The following PTPRD variants were observed in gnomAD, a reference collection of about 807,000 sequenced individuals.
The protein encoded by PTPRD is receptor-type tyrosine-protein phosphatase delta.
In PTPRD, 34 loss-of-function variants were observed where a neutral mutation model predicts 214.5. The observed-to-expected ratio is 0.16, with a 90% CI of 0.12 to 0.21. The LOEUF is 0.21. PTPRD is among the 10% of genes least tolerant of loss of function. The pLI is 1.00. For missense variants in PTPRD, 2,545 were observed against 2,398.7 expected, an observed-to-expected ratio of 1.06 and a Z score of -1.27; for synonymous variants, 1,128 against 845.7, an observed-to-expected ratio of 1.33 and a Z score of -5.79.
intron 12 of PTPRD, among the ~76,000 whole-genome samples, chr9:8,640,553 C>G (rs12344811): frequency 2.6e-5 from 2 of 77,892 alleles, no homozygotes; most frequent in East Asian, 6.9e-4. Context: ...TCTTAAAAAA[C>G]AAAAAAACAA....
chr9:9,490,177 G>A (rs1053512318), intron 8 of PTPRD, among the ~76,000 whole-genome samples: 1 of 151,988 alleles, frequency 6.6e-6, no homozygotes, highest in Non-Finnish European at 1.5e-5. Flanking sequence ...TCAAAACTCA[G>A]GAAGAAATTA....
At chr9:8,707,978 G>A (rs547445392) in intron 12 of PTPRD, among the ~76,000 whole-genome samples, 77 of 152,214 alleles carry the variant, frequency 5.1e-4, no homozygotes, top group African/African-American at 1.9e-3. Context: ...CTTCAAACTT[G>A]CCCATGGATA....
chr9:9,217,863 CTT>C (rs1429435436), intron 9 of PTPRD, among the ~76,000 whole-genome samples: 2 of 152,076 alleles, frequency 1.3e-5, no homozygotes, highest in Non-Finnish European at 2.9e-5. Context: ...AAGCGGCTTC[CTT>C]TTTGAAGCCT....
chr9:8,717,013 A>G (rs2098443937), intron 12 of PTPRD, among the ~76,000 whole-genome samples: 1 of 152,156 alleles, frequency 6.6e-6, no homozygotes, highest in Non-Finnish European at 1.5e-5. Context: ...AAAATAATAC[A>G]AAAAATTAAC....
chr9:9,893,790 C>T (rs1343334460), intron 5 of PTPRD, among the ~76,000 whole-genome samples: 3 of 151,884 alleles, frequency 2.0e-5, no homozygotes, highest in African/African-American at 7.3e-5. Context: ...CTCTAGCTAC[C>T]ACCTTGTCTT....
At chr9:8,549,907 G>T (rs146220025) in intron 14 of PTPRD, among the ~76,000 whole-genome samples, 2 of 152,076 alleles carry the variant, frequency 1.3e-5, no homozygotes, top group African/African-American at 4.8e-5. Context: ...TTCATTTAGC[G>T]TATCTATATT....
chr9:9,970,108 G>T (rs2094984642), intron 4 of PTPRD, among the ~76,000 whole-genome samples: 7 of 152,084 alleles, frequency 4.6e-5, no homozygotes, highest in Admixed American at 4.6e-4. Context: ...AGGATTATAG[G>T]TTTTATTATT....
At position 9,330,494 on chromosome 9, in the gene PTPRD, A is replaced by G. The variant is rs528206732; in HGVS notation, c.-203+66955T>C. 3.3e-5 allele frequency among the ~76,000 whole-genome samples: 5 copies of G among 152,258 alleles called. No homozygotes were observed. In the East Asian group the frequency reaches 7.7e-4, roughly 24 times the overall value. On this transcript the variant is annotated intron_variant, in intron 9 of 45. Transcript: ENST00000381196. ...TCGAGCAATTTTAATGTATGGCCACATTAAGAAAAAAACTTGTATTTAATG... is the reference window on the plus strand; with the variant it reads ...TCGAGCAATTTTAATGTATGGCCACGTTAAGAAAAAAACTTGTATTTAATG...
intron 3 of PTPRD, among the ~76,000 whole-genome samples, chr9:10,149,325 G>A (rs1392996367): frequency 6.6e-6 from 1 of 152,114 alleles, no homozygotes; most frequent in Non-Finnish European, 1.5e-5. Flanking sequence ...GGGAGAATCT[G>A]GGCCAGATCT....
chr9:8,964,564 C>A (rs1434917845), intron 11 of PTPRD, among the ~76,000 whole-genome samples: 2 of 151,798 alleles, frequency 1.3e-5, no homozygotes, highest in Middle Eastern at 3.2e-3. Flanking sequence ...TTCAGTTTAG[C>A]TCAATTTTAG....
At chr9:8,522,779 A>C (rs1444107813) in intron 19 of PTPRD, among the ~76,000 whole-genome samples, 1 of 152,198 alleles carries the variant, frequency 6.6e-6, no homozygotes, top group African/African-American at 2.4e-5. Context: ...ATGTCATACC[A>C]TAAGAATTTG....
At chr9:9,018,104 C>T (rs564340021) in intron 11 of PTPRD, among the ~76,000 whole-genome samples, 7 of 152,094 alleles carry the variant, frequency 4.6e-5, no homozygotes, top group Non-Finnish European at 8.8e-5. Flanking sequence ...TACTCATTTG[C>T]TTTCCTTTTG....
chr9:9,147,737 A>C (rs2099871091), intron 10 of PTPRD, among the ~76,000 whole-genome samples: 1 of 152,088 alleles, frequency 6.6e-6, no homozygotes, highest in Admixed American at 6.6e-5. Flanking sequence ...GGCCCTTTAT[A>C]GAAAATGTTT....
intron 7 of PTPRD, among the ~76,000 whole-genome samples, chr9:9,608,996 G>A (rs933798477): frequency 6.6e-6 from 1 of 151,984 alleles, no homozygotes; most frequent in Non-Finnish European, 1.5e-5. Flanking sequence ...AGAGTATTGT[G>A]ATTATACCCA....
chr9:10,445,867 C>A (rs2098795084), intron 2 of PTPRD, among the ~76,000 whole-genome samples: 1 of 151,988 alleles, frequency 6.6e-6, no homozygotes, highest in African/African-American at 2.4e-5. Flanking sequence ...AAAAAACTAA[C>A]AACAACAAAA....
At chr9:10,609,075 A>G (rs1288994294) in intron 2 of PTPRD, among the ~76,000 whole-genome samples, 1 of 152,064 alleles carries the variant, frequency 6.6e-6, no homozygotes, top group Non-Finnish European at 1.5e-5. Context: ...TTGTCATATC[A>G]TTTGCATTGT....
intron 3 of PTPRD, among the ~76,000 whole-genome samples, chr9:10,059,606 G>A (rs2154166114): frequency 6.6e-6 from 1 of 152,104 alleles, no homozygotes; most frequent in East Asian, 1.9e-4. Context: ...TGAACAGATT[G>A]TAAAACTCTT....
intron 11 of PTPRD, among the ~76,000 whole-genome samples, chr9:8,986,840 G>A (rs2099347211): frequency 6.6e-6 from 1 of 152,070 alleles, no homozygotes; most frequent in South Asian, 2.1e-4. Flanking sequence ...AGCCACTCTT[G>A]CAGTTATTGA....
intron 5 of PTPRD, among the ~76,000 whole-genome samples, chr9:9,878,928 T>C (rs901892039): frequency 6.6e-6 from 1 of 152,194 alleles, no homozygotes; most frequent in South Asian, 2.1e-4. Flanking sequence ...TGGACTTTAT[T>C]ATAGGCTCCA....
Sources: gnomAD v4.1 joint callset for allele counts (sites outside exome capture counted in the v4.1 genomes callset) on GRCh38, gnomAD v4.1.1 for gene constraint, MANE v1.5 for transcripts, NCBI Gene and HGNC (gene_info 2026-07-23, HGNC 2026-07-21) for gene names.